Variants in IFT57 observed in about 807,000 individuals in gnomAD.
IFT57 encodes the protein intraflagellar transport 57, also known as intraflagellar transport protein 57 homolog.
A neutral mutation model predicts 56.8 loss-of-function variants in IFT57; 59 were observed. That is an observed-to-expected ratio of 1.04 (90% CI 0.84 to 1.29). The LOEUF is 1.29. Ranked by LOEUF, IFT57 falls within the 50% of genes most tolerant of loss-of-function variation. IFT57 has a pLI of 0.00. For synonymous variants in IFT57, 209 were observed against 186.1 expected (o/e 1.12, Z -1.00); for missense variants, 470 against 522.1 (o/e 0.90, Z 0.97).
At chr3:108,184,561 CACACAA>C (rs1183928248) in intron 6 of IFT57, among the ~76,000 whole-genome samples, 1 of 152,018 alleles carries the variant, frequency 6.6e-6, no homozygotes, top group African/African-American at 2.4e-5. Context: ...AAAATTTATG[CACACAA>C]ACACAGACTG....
At chr3:108,192,870 T>C (rs951863913) in intron 5 of IFT57, among the ~76,000 whole-genome samples, 1 of 151,632 alleles carries the variant, frequency 6.6e-6, no homozygotes, top group African/African-American at 2.4e-5. Flanking sequence ...AAGTTAGAAA[T>C]AAATGCTAAA....
At chr3:108,165,163 T>C (rs1041528210) in intron 9 of IFT57, among the ~76,000 whole-genome samples, 1 of 124,310 alleles carries the variant, frequency 8.0e-6, no homozygotes, top group Non-Finnish European at 1.8e-5. Context: ...AATTATTATG[T>C]AAAAAATGTT....
intron 6 of IFT57, among the ~76,000 whole-genome samples, 178 bp downstream of exon 6, chr3:108,191,343 C>T (rs1479932192): frequency 4.6e-5 from 7 of 152,124 alleles, no homozygotes; most frequent in African/African-American, 7.2e-5. Context: ...CTTTTTGGAC[C>T]ACATTACATT....
chr3:108,222,074 A>G (rs772878276), intron 1 of IFT57, 37 bp downstream of exon 1: 2 of 1,561,010 alleles, frequency 1.3e-6, no homozygotes, highest in Non-Finnish European at 8.7e-7. Context: ...CCTGGGGGCT[A>G]GCAGGCACCC....
chr3:108,187,829 ATTTCT>A (rs141518826), intron 6 of IFT57, among the ~76,000 whole-genome samples: 2,153 of 151,666 alleles, frequency 0.014, 46 homozygotes, highest in African/African-American at 0.049. Context: ...AAAATAATAC[ATTTCT>A]TTTCTTTTCT....
intron 6 of IFT57, among the ~76,000 whole-genome samples, chr3:108,171,867 C>G (rs1006484897): frequency 2.6e-5 from 4 of 151,836 alleles, no homozygotes; most frequent in Non-Finnish European, 5.9e-5. Context: ...ACACCAAGCT[C>G]AAGTATTTAC....
intron 6 of IFT57, among the ~76,000 whole-genome samples, chr3:108,176,638 A>T (rs1366928692): frequency 6.6e-6 from 1 of 151,868 alleles, no homozygotes; most frequent in East Asian, 1.9e-4. Context: ...AAATAACCTT[A>T]CTAGAACCAT....
chr3:108,218,677 G>A, intron 2 of IFT57, 24 bp from the exon 3 acceptor site: 2 of 1,211,552 alleles, frequency 1.7e-6, no homozygotes, highest in Non-Finnish European at 2.3e-6. Context: ...GAAAAAACAG[G>A]GTATTATTTG....
At chr3:108,220,598 C>T (rs180923736) in intron 1 of IFT57, among the ~76,000 whole-genome samples, 177 of 152,306 alleles carry the variant, frequency 1.2e-3, no homozygotes, top group African/African-American at 3.6e-3. Context: ...TTTTCCTTAT[C>T]GGCAGATAAC....
intron 5 of IFT57, among the ~76,000 whole-genome samples, chr3:108,204,997 T>C (rs1374384218): frequency 6.6e-6 from 1 of 152,180 alleles, no homozygotes; most frequent in Non-Finnish European, 1.5e-5. Flanking sequence ...GGAGTTTAGA[T>C]TTAAATTTTA....
intron 6 of IFT57, among the ~76,000 whole-genome samples, chr3:108,179,756 G>C (rs2080142432): frequency 6.6e-6 from 1 of 152,020 alleles, no homozygotes; most frequent in Non-Finnish European, 1.5e-5. Flanking sequence ...CTAGGTTGCA[G>C]GATAATTATA....
chr3:108,171,625 G>A (rs1253629966), intron 6 of IFT57, among the ~76,000 whole-genome samples: 1 of 151,670 alleles, frequency 6.6e-6, no homozygotes, highest in African/African-American at 2.4e-5. Context: ...AACGGAACAA[G>A]GCCCCTCCAA....
At chr3:108,162,747 G>GC in intron 10 of IFT57, 92 bp from the exon 11 acceptor site, 1 of 1,024,980 alleles carries the variant, frequency 9.8e-7, no homozygotes. Context: ...TTTGTCTTAA[G>GC]CCCAAAATAG....
intron 6 of IFT57, among the ~76,000 whole-genome samples, chr3:108,188,561 A>G (rs2080197225): frequency 1.3e-5 from 2 of 152,322 alleles, no homozygotes; most frequent in South Asian, 4.1e-4. Context: ...AAAAATAATG[A>G]AAAAAACCTT....
chr3:108,167,058 A>G, intron 7 of IFT57, 73 bp from the exon 8 acceptor site: 7 of 1,356,260 alleles, frequency 5.2e-6, no homozygotes, highest in Non-Finnish European at 6.1e-6. Flanking sequence ...AAAATGGGTT[A>G]CATCTCAATC....
At chr3:108,171,668 GACA>G (rs1398491162) in intron 6 of IFT57, among the ~76,000 whole-genome samples, 1 of 151,774 alleles carries the variant, frequency 6.6e-6, no homozygotes, top group Non-Finnish European at 1.5e-5. Flanking sequence ...AGAGAGGAGG[GACA>G]ACTGGCTGGC....
In IFT57 at chr3:108,165,455, C is replaced by A; in HGVS notation, c.1020G>T (p.Thr340=). The stretch of plus-strand genomic sequence containing the variant: ...CCTCAGAGAGGAGTCTGGTTCTTTC[C>A]GTCACTCCTCCATTTCCCTGCTGGT... ...ERYQQGNGGV[T]ERTRLLSEVM... Residue 340 remains threonine (T), a synonymous_variant, in exon 9 of 11, where the codon ACG becomes ACT. Transcript: ENST00000264538. 1 of 1,612,640 alleles carries A rather than the reference C, an allele frequency of 6.2e-7. No homozygotes were observed. Among genetic ancestry groups the A allele is most frequent in the South Asian group, 1.1e-5 (1 of 91,048 alleles).
At chr3:108,218,791 T>C (rs963783870) in intron 2 of IFT57, 138 bp from the exon 3 acceptor site, 5 of 465,946 alleles carry the variant, frequency 1.1e-5, no homozygotes, top group Non-Finnish European at 1.5e-5. Flanking sequence ...CACTGCTTCA[T>C]ACAAATCCAT....
intron 6 of IFT57, among the ~76,000 whole-genome samples, chr3:108,177,975 T>TCACA (rs143867120): frequency 6.6e-6 from 1 of 150,378 alleles, no homozygotes; most frequent in African/African-American, 2.4e-5. Flanking sequence ...ATTTAACAAG[T>TCACA]CACACACACA....
Sources: gnomAD v4.1 joint callset for allele counts (sites outside exome capture counted in the v4.1 genomes callset) on GRCh38, gnomAD v4.1.1 for gene constraint, MANE v1.5 for transcripts, NCBI Gene and HGNC (gene_info 2026-07-23, HGNC 2026-07-21) for gene names.